Variants in DLGAP1 observed in about 807,000 individuals in gnomAD.
The protein encoded by DLGAP1 is DLG associated protein 1.
A neutral mutation model predicts 90.8 loss-of-function variants in DLGAP1; 11 were observed. The ratio of observed to expected loss-of-function variants is 0.12; its 90% CI spans 0.08 to 0.20. The LOEUF (loss-of-function observed/expected upper bound fraction) is 0.20, where lower values mean the gene tolerates loss of function less well. DLGAP1 is among the 10% of genes least tolerant of loss of function. The pLI is 1.00. For missense variants in DLGAP1, 1,050 were observed against 1,333.8 expected (o/e 0.79, Z 3.31); for synonymous variants, 558 against 540.7 (o/e 1.03, Z -0.44).
chr18:4,237,446 A>G (rs2078442044), intron 1 of DLGAP1, among the ~76,000 whole-genome samples: 1 of 152,048 alleles, frequency 6.6e-6, no homozygotes, highest in South Asian at 2.1e-4. Context: ...AAGACAGAAA[A>G]AACGGTCAGG....
At chr18:3,771,918 C>T (rs1005125384) in intron 5 of DLGAP1, among the ~76,000 whole-genome samples, 1 of 152,086 alleles carries the variant, frequency 6.6e-6, no homozygotes, top group Admixed American at 6.5e-5. Context: ...AACATTCTCT[C>T]CTCTCCCGGT....
intron 1 of DLGAP1, among the ~76,000 whole-genome samples, chr18:4,402,973 G>T (rs2144542944): frequency 6.6e-6 from 1 of 152,196 alleles, no homozygotes; most frequent in African/African-American, 2.4e-5. Flanking sequence ...AAAGATAATG[G>T]CTCAATATAT....
chr18:3,952,475 G>A (rs2073007444), intron 3 of DLGAP1, among the ~76,000 whole-genome samples: 1 of 152,186 alleles, frequency 6.6e-6, no homozygotes, highest in Admixed American at 6.5e-5. Flanking sequence ...ATAACAGGGT[G>A]GCATCGGACC....
intron 1 of DLGAP1, among the ~76,000 whole-genome samples, chr18:4,274,058 T>C (rs1380182400): frequency 6.6e-6 from 1 of 151,228 alleles, no homozygotes; most frequent in East Asian, 1.9e-4. Context: ...TCTCTCTCAT[T>C]TAGGTTTAGT....
At chr18:3,634,339 A>C (rs1186485195) in intron 7 of DLGAP1, among the ~76,000 whole-genome samples, 1 of 152,156 alleles carries the variant, frequency 6.6e-6, no homozygotes, top group Non-Finnish European at 1.5e-5. Flanking sequence ...CAAAGAAAAA[A>C]GTGACTTTGT....
chr18:4,079,068 C>T lies in DLGAP1; in HGVS notation c.-159+72112G>A, dbSNP rs80013215. On this transcript the variant is annotated intron_variant, in intron 2 of 12. Coordinates refer to ENST00000315677, the MANE Select transcript of DLGAP1 (RefSeq NM_004746.4). ...CAGAAGACACCTGAAGTCCAGCCCA[C>T]GCTGGTGGTGGGTGATCAGAGCACG... 3.7e-3 allele frequency among the ~76,000 whole-genome samples: 560 copies of T among 152,226 alleles called. 4 individuals carry two copies. The highest frequency in any genetic ancestry group is 0.013 in the African/African-American group (524 of 41,550).
intron 2 of DLGAP1, among the ~76,000 whole-genome samples, chr18:4,093,818 G>C (rs775788356): frequency 6.6e-6 from 1 of 152,020 alleles, no homozygotes; most frequent in Non-Finnish European, 1.5e-5. Flanking sequence ...TTGCACCCCT[G>C]CTTCCTGTGG....
chr18:4,122,904 A>G (rs976539596), intron 2 of DLGAP1, among the ~76,000 whole-genome samples: 1 of 152,170 alleles, frequency 6.6e-6, no homozygotes, highest in Non-Finnish European at 1.5e-5. Context: ...TCCCTCTCCT[A>G]TATAACTACC....
chr18:3,819,778 CAT>C (rs1022929911), intron 4 of DLGAP1, among the ~76,000 whole-genome samples: 6 of 152,140 alleles, frequency 3.9e-5, no homozygotes, highest in Non-Finnish European at 7.3e-5. Flanking sequence ...CTAGCATATT[CAT>C]ATATGTCTTT....
chr18:3,821,469 C>T (rs545331272), intron 4 of DLGAP1, among the ~76,000 whole-genome samples: 104 of 151,898 alleles, frequency 6.8e-4, no homozygotes, highest in South Asian at 1.0e-3. Flanking sequence ...ATGGGGTGCA[C>T]GCTCCCACTC....
intron 1 of DLGAP1, among the ~76,000 whole-genome samples, chr18:4,221,555 A>G (rs991759424): frequency 1.3e-5 from 2 of 152,086 alleles, no homozygotes; most frequent in Non-Finnish European, 2.9e-5. Context: ...TTCTTCCATC[A>G]TAAGACCAAC....
At chr18:4,069,890 T>C (rs1598345685) in intron 2 of DLGAP1, among the ~76,000 whole-genome samples, 2 of 152,340 alleles carry the variant, frequency 1.3e-5, no homozygotes, top group Non-Finnish European at 2.9e-5. Context: ...AAATCAAAAT[T>C]TCTAGTTCTC....
At chr18:3,773,988 G>A (rs950857470) in intron 5 of DLGAP1, among the ~76,000 whole-genome samples, 8 of 152,114 alleles carry the variant, frequency 5.3e-5, no homozygotes, top group African/African-American at 1.7e-4. Flanking sequence ...TTTCAAATTG[G>A]GGTGCTCACC....
chr18:3,858,841 C>CT, intron 4 of DLGAP1, among the ~76,000 whole-genome samples: 1 of 152,134 alleles, frequency 6.6e-6, no homozygotes, highest in Non-Finnish European at 1.5e-5. Flanking sequence ...GAAAGGAACA[C>CT]TCCTTTTAGA....
chr18:4,174,869 T>G (rs1482190131), intron 1 of DLGAP1, among the ~76,000 whole-genome samples: 2 of 152,136 alleles, frequency 1.3e-5, no homozygotes, highest in African/African-American at 4.8e-5. Flanking sequence ...AGTGTTTGGT[T>G]TTCTGTTTTG....
At chr18:3,694,702 A>G (rs1472627310) in intron 7 of DLGAP1, among the ~76,000 whole-genome samples, 2 of 152,212 alleles carry the variant, frequency 1.3e-5, no homozygotes, top group African/African-American at 4.8e-5. Flanking sequence ...GTGTCTGTGC[A>G]CATCCTTTGC....
At chr18:3,669,275 G>A (rs533676529) in intron 7 of DLGAP1, among the ~76,000 whole-genome samples, 35 of 152,010 alleles carry the variant, frequency 2.3e-4, no homozygotes, top group Non-Finnish European at 4.7e-4. Flanking sequence ...TAAATGATAC[G>A]GAAGAGGGGA....
intron 2 of DLGAP1, among the ~76,000 whole-genome samples, chr18:4,124,403 A>C (rs568165427): frequency 3.9e-5 from 6 of 152,304 alleles, no homozygotes; most frequent in African/African-American, 1.4e-4. Flanking sequence ...ACCAACTGTA[A>C]ATAGCTTAGA....
In DLGAP1 at chr18:3,727,214, T is replaced by C. The variant is rs768210674; in HGVS notation, c.1591+1921A>G. 2.6e-5 allele frequency among the ~76,000 whole-genome samples: 4 copies of C among 152,182 alleles called. No individual in the cohort carries two copies. The highest frequency in any genetic ancestry group is 7.2e-5 in the African/African-American group (3 of 41,454). ...ACCTGGATTTTATTTGGCAACTCTA[T>C]TGCTTGAGCTCTGGGAGCCTCCAGA... On this transcript the variant is annotated intron_variant, in intron 7 of 12. Coordinates refer to ENST00000315677, the MANE Select transcript of DLGAP1 (RefSeq NM_004746.4). The surrounding 1 kb of genome is among the most constrained non-coding windows in gnomAD (Gnocchi z 4.7).
Sources: gnomAD v4.1 joint callset for allele counts (sites outside exome capture counted in the v4.1 genomes callset) on GRCh38, gnomAD v4.1.1 for gene constraint, Gnocchi (gnomAD v3.1) non-coding constraint, MANE v1.5 for transcripts, NCBI Gene and HGNC (gene_info 2026-07-23, HGNC 2026-07-21) for gene names.